The following IGF2R variants were observed in gnomAD, a reference collection of about 807,000 sequenced individuals.
The protein encoded by IGF2R is insulin like growth factor 2 receptor, also known as cation-independent mannose-6-phosphate receptor.
Under a neutral mutation model 270.6 loss-of-function variants are expected in IGF2R, and 91 were observed. That is an observed-to-expected ratio of 0.34 (90% confidence interval 0.28 to 0.40). The LOEUF (loss-of-function observed/expected upper bound fraction) is 0.40, where lower values mean the gene tolerates loss of function less well. Among genes scored for constraint, IGF2R ranks in the 10% least tolerant of loss-of-function variants. The pLI is 1.00. For missense variants in IGF2R, 2,805 were observed against 3,188.3 expected (o/e 0.88, Z 2.90); for synonymous variants, 1,316 against 1,258.9 (o/e 1.05, Z -0.96).
chr6:160,079,879 C>T, intron 38 of IGF2R, 92 bp downstream of exon 38: 1 of 1,215,690 alleles, frequency 8.2e-7, no homozygotes, highest in South Asian at 1.7e-5. Flanking sequence ...AGTGGAGCTC[C>T]ACGGTCCTAT....
rs58646750 is a variant in IGF2R at position 160,022,013 on chromosome 6, A to AACACACACACACAC, written c.514-2544_514-2531dup. On this transcript the variant is annotated intron_variant, in intron 4 of 47. Transcript: ENST00000356956. ...CCCACCAACGGATGACTAGGTAAAG[A>AACACACACACACAC]ACACACACACACACACACACACACA... 3.0e-3 allele frequency among the ~76,000 whole-genome samples: 422 copies of AACACACACACACAC among 142,838 alleles called. 1 individual carries two copies. Among genetic ancestry groups the AACACACACACACAC allele is most frequent in the Middle Eastern group, 0.019 (5 of 268 alleles). 93.7% of individuals were successfully genotyped at this position (142,838 alleles called of 152,430 possible).
rs540329792 is a variant in IGF2R at position 159,969,186 on chromosome 6, C to A, written c.-61C>A. 416 of 954,244 alleles carry A rather than the reference C, an allele frequency of 4.4e-4. 3 individuals are homozygous for A. In the African/African-American group the frequency reaches 6.8e-3, roughly 16 times the overall value. 59.1% of individuals were successfully genotyped at this position (954,244 alleles called of 1,614,324 possible). ...TGGCGGCGCGACCCCGTCCCGGGCG[C>A]GGCCCCCAGCAGTCGCGCGCCGTTA... On this transcript the variant is annotated 5_prime_UTR_variant, in exon 1 of 48. Coordinates refer to ENST00000356956, the MANE Select transcript of IGF2R (RefSeq NM_000876.4).
intron 36 of IGF2R, among the ~76,000 whole-genome samples, chr6:160,077,801 G>T (rs561322640): frequency 6.6e-6 from 1 of 152,374 alleles, no homozygotes; most frequent in East Asian, 1.9e-4. Context: ...ATCTGGCCAT[G>T]TGGCATCTTG....
At position 160,064,509 on chromosome 6, in the gene IGF2R, A is replaced by T; in HGVS notation, c.3995A>T (p.Tyr1332Phe). 3 of 1,614,182 alleles carry T rather than the reference A, an allele frequency of 1.9e-6. No individual in the cohort carries two copies. The highest frequency in any genetic ancestry group is 2.5e-6 in the Non-Finnish European group (3 of 1,180,016). ...VYQRSTAIFF[Y>F]CDRGTQRPVF... ...CAGCGCTCCACAGCCATCTTCTTCTACTGTGACCGCGGCACCCAGCGGGTG... is the reference window on the plus strand; with the variant it reads ...CAGCGCTCCACAGCCATCTTCTTCTTCTGTGACCGCGGCACCCAGCGGGTG... Residue 1332 changes from tyrosine (Y) to phenylalanine (F), a missense_variant, in exon 28 of 48, where the codon TAC becomes TTC. Tyr to Phe is a conservative substitution (Grantham distance 22, BLOSUM62 3). Around this residue, in one of 2 missense-constraint regions of IGF2R, gnomAD observed 1,851 missense variants for 2,207.2 expected, o/e 0.84. Transcript: ENST00000356956.
At chr6:160,038,904 G>A (rs1042213924) in intron 10 of IGF2R, among the ~76,000 whole-genome samples, 6 of 152,170 alleles carry the variant, frequency 3.9e-5, no homozygotes, top group Admixed American at 6.5e-5. Context: ...GTGGTTATGA[G>A]CACGGATGAG....
At chr6:159,988,392 G>A (rs369513037) in intron 1 of IGF2R, among the ~76,000 whole-genome samples, 2 of 151,668 alleles carry the variant, frequency 1.3e-5, no homozygotes, top group Non-Finnish European at 1.5e-5. Context: ...GTGGGTGCCT[G>A]TAGTGCCAGC....
chr6:160,039,228 A>G (rs1389480297), intron 10 of IGF2R, among the ~76,000 whole-genome samples: 1 of 152,244 alleles, frequency 6.6e-6, no homozygotes, highest in Non-Finnish European at 1.5e-5. Context: ...ACAAGTGTGT[A>G]TAGCATGTGA....
At chr6:159,972,710 C>T (rs1783628399) in intron 1 of IGF2R, among the ~76,000 whole-genome samples, 1 of 152,234 alleles carries the variant, frequency 6.6e-6, no homozygotes, top group African/African-American at 2.4e-5. Flanking sequence ...GGTGCGGTTC[C>T]TGGTGCAGTT....
rs191624686 is a variant in IGF2R, at chr6:160,058,177, A to G, written c.2898+53A>G. On this transcript the variant is annotated intron_variant, in intron 21 of 47. Coordinates refer to ENST00000356956, the MANE Select transcript of IGF2R (RefSeq NM_000876.4). ...TTGCTTTGAAACAGGGGGAGAGTGC[A>G]TTATTGAAGTCACCTGCACGTGGTG... 1.1e-4 allele frequency: 127 copies of G among 1,182,232 alleles called. 1 individual carries two copies. The East Asian group carries it at 1.9e-3, about 18-fold the overall frequency. 73.2% of individuals were successfully genotyped at this position (1,182,232 alleles called of 1,614,324 possible).
At chr6:160,080,502 C>T (rs572728124) in intron 39 of IGF2R, among the ~76,000 whole-genome samples, 14 of 152,328 alleles carry the variant, frequency 9.2e-5, no homozygotes, top group African/African-American at 2.9e-4. Flanking sequence ...AGATGCTGTG[C>T]TGGGTGGCTG....
rs147523755 is a variant in IGF2R at position 160,043,908 on chromosome 6, C to T, written c.1622-606C>T. 3.2e-4 allele frequency among the ~76,000 whole-genome samples: 48 copies of T among 152,264 alleles called. 1 individual carries two copies. The East Asian group carries it at 8.1e-3, about 26-fold the overall frequency. ...CCTCGTTGGATTTTAGGAATTATCT[C>T]GGTATTCAGAATTGCTGGTGTGTCT... is the stretch of plus-strand genomic sequence containing the variant. On this transcript the variant is annotated intron_variant, in intron 12 of 47. Coordinates refer to ENST00000356956, the MANE Select transcript of IGF2R (RefSeq NM_000876.4).
chr6:160,085,100 A>T lies in IGF2R; in HGVS notation c.6174A>T (p.Gly2058=), dbSNP rs1779071678. The T allele has an allele frequency of 6.2e-7, 1 of 1,613,772 alleles. No individual in the cohort carries two copies. Among genetic ancestry groups the T allele is most frequent in the Non-Finnish European group, 8.5e-7 (1 of 1,179,888 alleles). The change falls in exon 41 of 48, where the codon GGA becomes GGT. Residue 2058 remains glycine, a synonymous_variant. Coordinates refer to ENST00000356956, the MANE Select transcript of IGF2R (RefSeq NM_000876.4). ...RTTTGDVQVL[G]LVHTQKLGVI... The stretch of plus-strand genomic sequence containing the variant: ...CAACTGGTGACGTCCAGGTCCTGGG[A>T]CTCGTTCACACGCAGAAGCTGGGTG...
At position 160,054,520 on chromosome 6, in the gene IGF2R, A is replaced by G. The variant is rs116225583; in HGVS notation, c.2695-1904A>G. 2.7e-3 allele frequency among the ~76,000 whole-genome samples: 417 copies of G among 152,262 alleles called. 2 individuals are homozygous for G. Among genetic ancestry groups the G allele is most frequent in the African/African-American group, 9.8e-3 (406 of 41,548 alleles). On this transcript the variant is annotated intron_variant, in intron 19 of 47. Coordinates refer to ENST00000356956, the MANE Select transcript of IGF2R (RefSeq NM_000876.4). ...ATGGACGTTGTCAGGTGGTAGGTTGATACCAGCAGCAGAGTCTTTCAAAAG... is the reference window on the plus strand; with the variant it reads ...ATGGACGTTGTCAGGTGGTAGGTTGGTACCAGCAGCAGAGTCTTTCAAAAG...
chr6:159,982,682 A>G (rs947803975), intron 1 of IGF2R, among the ~76,000 whole-genome samples: 2 of 152,228 alleles, frequency 1.3e-5, no homozygotes, highest in Non-Finnish European at 2.9e-5. Flanking sequence ...TAGTTACATG[A>G]CCATTAGCAT....
At chr6:160,062,005 C>G (rs1778450757) in intron 25 of IGF2R, 77 bp downstream of exon 25, 1 of 1,399,236 alleles carries the variant, frequency 7.1e-7, no homozygotes, top group Non-Finnish European at 1.0e-6. Flanking sequence ...TCTGAATCTT[C>G]TATCTTGTTT....
At chr6:159,977,958 A>G (rs758589426) in intron 1 of IGF2R, among the ~76,000 whole-genome samples, 13 of 152,102 alleles carry the variant, frequency 8.5e-5, no homozygotes, top group Non-Finnish European at 1.9e-4. Flanking sequence ...ATTGGAAGAC[A>G]TTTGAATGCC....
chr6:160,060,754 A>T (rs1219642299), intron 23 of IGF2R, 37 bp downstream of exon 23: 2 of 1,606,662 alleles, frequency 1.2e-6, no homozygotes, highest in Non-Finnish European at 1.7e-6. Flanking sequence ...GAGGCCGGTC[A>T]AGAGTCAGTG....
chr6:160,103,718 G>A, intron 46 of IGF2R, 28 bp from the exon 47 acceptor site: 2 of 1,555,282 alleles, frequency 1.3e-6, no homozygotes, highest in Non-Finnish European at 1.8e-6. Context: ...CTACACTGGA[G>A]TAATTATTGT....
Position 160,045,900 on chromosome 6 carries a change from A to G in IGF2R, c.1903+18A>G, listed in dbSNP as rs925119556. ...CCAGGCAGGTCTGTGTCCAAGCAGGACCTCTGCTTTAATGTGACTTGGAAC... is the reference window on the plus strand; with the variant it reads ...CCAGGCAGGTCTGTGTCCAAGCAGGGCCTCTGCTTTAATGTGACTTGGAAC... On this transcript the variant is annotated intron_variant, in intron 14 of 47. Coordinates refer to ENST00000356956, the MANE Select transcript of IGF2R (RefSeq NM_000876.4). 6 of 1,515,076 alleles carry G rather than the reference A, an allele frequency of 4.0e-6. No homozygotes were observed. The highest frequency in any genetic ancestry group is 5.3e-6 in the Non-Finnish European group (6 of 1,135,518). The allele number at this position is 1,515,076 out of a possible 1,614,324, so 93.9% of individuals were successfully genotyped here.
Sources: gnomAD v4.1 joint callset for allele counts (sites outside exome capture counted in the v4.1 genomes callset) on GRCh38, gnomAD v4.1.1 for gene constraint, gnomAD v4.1.1 regional missense constraint, MANE v1.5 for transcripts, NCBI Gene and HGNC (gene_info 2026-07-23, HGNC 2026-07-21) for gene names.